SERPINB10: variants seen among roughly 807,000 people sequenced by gnomAD.
SERPINB10 encodes the protein serpin B10.
In SERPINB10, 35 loss-of-function variants were observed where a neutral mutation model predicts 39.1. The observed-to-expected ratio is 0.90, with a 90% confidence interval of 0.68 to 1.19. SERPINB10 has a LOEUF of 1.19. Among genes scored for constraint, SERPINB10 ranks in the 50% most tolerant of loss-of-function variants. The pLI, the probability that SERPINB10 is intolerant of heterozygous loss-of-function variation, is 0.00. For synonymous variants in SERPINB10, 190 were observed against 158.1 expected, an observed-to-expected ratio of 1.20 and a Z score of -1.52; for missense variants, 546 against 460.5, an observed-to-expected ratio of 1.19 and a Z score of -1.70.
Position 63,925,335 on chromosome 18 carries a change from C to T in SERPINB10, c.491-4710C>T, listed in dbSNP as rs552096037. 3.5e-4 allele frequency among the ~76,000 whole-genome samples: 53 copies of T among 152,028 alleles called. No individual in the cohort carries two copies. In the South Asian group the frequency reaches 8.5e-3, roughly 24 times the overall value. ...GAAGCAATGACATCCCAATAGTAAT[C>T]AGCATATCTGACACCAAGATCTTGA... On this transcript the variant is annotated intron_variant, in intron 5 of 7. Transcript: ENST00000238508.
At chr18:63,923,777 C>T (rs751160668) in intron 5 of SERPINB10, among the ~76,000 whole-genome samples, 113 of 151,992 alleles carry the variant, frequency 7.4e-4, no homozygotes, top group Middle Eastern at 6.8e-3. Flanking sequence ...TTTGAAATTT[C>T]ACAATCTATC....
chr18:63,912,124 G>A (rs544606410), intron 1 of SERPINB10, among the ~76,000 whole-genome samples: 5 of 151,876 alleles, frequency 3.3e-5, no homozygotes, highest in Non-Finnish European at 7.4e-5. Context: ...ATTTTTGTAC[G>A]TCGATTTTGT....
intron 1 of SERPINB10, among the ~76,000 whole-genome samples, chr18:63,913,756 C>T (rs147645461): frequency 6.6e-6 from 1 of 152,010 alleles, no homozygotes; most frequent in Non-Finnish European, 1.5e-5. Context: ...TGGTTGATGG[C>T]TGGAGTATTC....
At chr18:63,931,439 C>T (rs1293191054) in intron 6 of SERPINB10, among the ~76,000 whole-genome samples, 3 of 152,154 alleles carry the variant, frequency 2.0e-5, no homozygotes, top group Non-Finnish European at 4.4e-5. Flanking sequence ...AGAGTACTCG[C>T]AGTAAACAGC....
chr18:63,910,497 C>T (rs1010755724), intron 1 of SERPINB10, among the ~76,000 whole-genome samples: 2 of 151,832 alleles, frequency 1.3e-5, no homozygotes, highest in Admixed American at 6.6e-5. Context: ...CTATTTTTGC[C>T]ATCTTTAAGT....
At chr18:63,916,235 T>A (rs956652768) in intron 2 of SERPINB10, among the ~76,000 whole-genome samples, 1 of 146,390 alleles carries the variant, frequency 6.8e-6, no homozygotes, top group Admixed American at 6.7e-5. Flanking sequence ...ATTGTGCGTA[T>A]GTAAATATAT....
At chr18:63,930,643 C>T (rs766581015) in intron 6 of SERPINB10, among the ~76,000 whole-genome samples, 24 of 152,146 alleles carry the variant, frequency 1.6e-4, no homozygotes, top group Admixed American at 2.6e-4. Context: ...ATTTGACTCT[C>T]GTGAATGGGC....
chr18:63,927,706 A>G (rs567332337), intron 5 of SERPINB10, among the ~76,000 whole-genome samples: 1 of 152,258 alleles, frequency 6.6e-6, no homozygotes, highest in South Asian at 2.1e-4. Context: ...ACAAATATTC[A>G]GGCCATATCA....
In SERPINB10 at chr18:63,934,906, A is replaced by G; in HGVS notation, c.858A>G (p.Glu286=). 1 of 1,614,194 alleles carries G rather than the reference A, an allele frequency of 6.2e-7. No homozygotes were observed. The highest frequency in any genetic ancestry group is 8.5e-7 in the Non-Finnish European group (1 of 1,180,026). The stretch of plus-strand genomic sequence containing the variant: ...GTGCAGACATGATGGAGTTGTATGA[A>G]GTGCAGCTACACCTTCCCAAGTTCA... ...WTSADMMELY[E]VQLHLPKFKL... The change falls in exon 8 of 8, where the codon GAA becomes GAG. Residue 286 remains glutamate (E), a synonymous_variant. Coordinates refer to ENST00000238508, the MANE Select transcript of SERPINB10 (RefSeq NM_005024.3).
chr18:63,911,893 G>T (rs4503905), intron 1 of SERPINB10, among the ~76,000 whole-genome samples: 56,519 of 151,796 alleles, frequency 0.37, 14,024 homozygotes, highest in African/African-American at 0.7. Context: ...CAATACTGAT[G>T]TTTCCTGTCC....
intron 1 of SERPINB10, among the ~76,000 whole-genome samples, chr18:63,913,861 G>T (rs1009356829): frequency 3.3e-5 from 5 of 152,088 alleles, no homozygotes; most frequent in African/African-American, 1.2e-4. Context: ...GGGTGTTAAA[G>T]TCCCCCACTA....
At chr18:63,932,353 C>T (rs1344976193) in intron 6 of SERPINB10, among the ~76,000 whole-genome samples, 2 of 152,180 alleles carry the variant, frequency 1.3e-5, no homozygotes, top group Non-Finnish European at 2.9e-5. Context: ...AGTGGCTGTG[C>T]CACTGTGCGT....
Position 63,918,061 on chromosome 18 carries a change from G to A in SERPINB10, c.331G>A (p.Ala111Thr). Residue 111 changes from alanine (A) to threonine (T), a missense_variant, in exon 4 of 8, where the codon GCC (alanine) becomes ACC (threonine). By Grantham distance (58) the Ala-to-Thr change is moderately conservative (BLOSUM62 0). Coordinates refer to ENST00000238508, the MANE Select transcript of SERPINB10 (RefSeq NM_005024.3). ...CAACGATGACTACTTACTTAAAACA[G>A]CCAATGCGATATATGGAGAGAAAAC... ...KPNDDYLLKT[A>T]NAIYGEKTYA... 1 of 1,612,410 alleles carries A rather than the reference G, an allele frequency of 6.2e-7. No individual in the cohort carries two copies. Among genetic ancestry groups the A allele is most frequent in the Non-Finnish European group, 8.5e-7 (1 of 1,179,046 alleles).
rs114165989 is a variant in SERPINB10 at position 63,911,224 on chromosome 18, T to C, written c.-10+3184T>C. 7.3e-3 allele frequency among the ~76,000 whole-genome samples: 1,105 copies of C among 152,212 alleles called. 15 individuals carry two copies. Among genetic ancestry groups the C allele is most frequent in the African/African-American group, 0.025 (1,046 of 41,562 alleles). ...ATAGTTTGCAAATATTTTCTTCCAT[T>C]CTGTAGTTGTCTGTTTACTCTGTTG... On this transcript the variant is annotated intron_variant, in intron 1 of 7. Coordinates refer to ENST00000238508, the MANE Select transcript of SERPINB10 (RefSeq NM_005024.3).
At chr18:63,927,505 A>G (rs943112436) in intron 5 of SERPINB10, among the ~76,000 whole-genome samples, 18 of 152,192 alleles carry the variant, frequency 1.2e-4, no homozygotes, top group African/African-American at 4.3e-4. Context: ...TTGCTCTATA[A>G]TTCCAAAGTG....
intron 6 of SERPINB10, among the ~76,000 whole-genome samples, chr18:63,931,502 TTCGACA>T (rs1343675296): frequency 6.6e-6 from 1 of 152,164 alleles, no homozygotes; most frequent in African/African-American, 2.4e-5. Context: ...TGATGGACAG[TTCGACA>T]TAGAATGGAA....
At chr18:63,932,160 C>T (rs1296912581) in intron 6 of SERPINB10, among the ~76,000 whole-genome samples, 1 of 152,180 alleles carries the variant, frequency 6.6e-6, no homozygotes, top group African/African-American at 2.4e-5. Flanking sequence ...TATTGAAGCA[C>T]ATCTTAGTTC....
intron 7 of SERPINB10, among the ~76,000 whole-genome samples, chr18:63,933,822 C>T (rs1383182982): frequency 2.6e-5 from 4 of 152,204 alleles, no homozygotes; most frequent in Non-Finnish European, 5.9e-5. Context: ...CATGCCTAAA[C>T]TGAACATGAG....
chr18:63,930,356 T>C (rs1323492650), intron 6 of SERPINB10, among the ~76,000 whole-genome samples, 169 bp downstream of exon 6: 1 of 152,108 alleles, frequency 6.6e-6, no homozygotes, highest in Non-Finnish European at 1.5e-5. Flanking sequence ...TCATTGAAAT[T>C]CCCCTGTCCT....
Sources: gnomAD v4.1 joint callset for allele counts (sites outside exome capture counted in the v4.1 genomes callset) on GRCh38, gnomAD v4.1.1 for gene constraint, MANE v1.5 for transcripts, NCBI Gene and HGNC (gene_info 2026-07-23, HGNC 2026-07-21) for gene names.